HHAT: variants seen among roughly 807,000 people sequenced by gnomAD.
HHAT encodes hedgehog acyltransferase.
In HHAT, 47 loss-of-function variants were observed where a neutral mutation model predicts 70.8. The observed-to-expected ratio is 0.66, with a 90% confidence interval of 0.53 to 0.85. HHAT has a LOEUF of 0.85. Ranked by LOEUF, HHAT falls within the 40% of genes least tolerant of loss-of-function variation. The pLI is 0.00. For missense variants in HHAT, 609 were observed against 604.8 expected (o/e 1.01, Z -0.07); for synonymous variants, 228 against 247.6 (o/e 0.92, Z 0.74).
intron 9 of HHAT, among the ~76,000 whole-genome samples, chr1:210,545,699 A>T (rs967896554): frequency 6.6e-6 from 1 of 152,162 alleles, no homozygotes; most frequent in African/African-American, 2.4e-5. Context: ...GGCCTCCAAA[A>T]GTGCTGGGAT....
chr1:210,661,651 C>A (rs975011582), intron 11 of HHAT, among the ~76,000 whole-genome samples: 3 of 152,188 alleles, frequency 2.0e-5, no homozygotes, highest in Non-Finnish European at 4.4e-5. Context: ...GGAACCAACC[C>A]AAATGTCCAT....
intron 7 of HHAT, among the ~76,000 whole-genome samples, chr1:210,442,228 AT>A (rs2093532433): frequency 7.7e-6 from 1 of 130,528 alleles, no homozygotes; most frequent in African/African-American, 2.9e-5. Flanking sequence ...TATGTGCCAC[AT>A]TTTCTTAATC....
At chr1:210,553,082 C>T (rs2095541046) in intron 9 of HHAT, among the ~76,000 whole-genome samples, 1 of 152,162 alleles carries the variant, frequency 6.6e-6, no homozygotes, top group South Asian at 2.1e-4. Flanking sequence ...CCTAAGATGT[C>T]AGCATCTTCT....
At chr1:210,593,014 T>A (rs898824871) in intron 10 of HHAT, among the ~76,000 whole-genome samples, 1 of 152,142 alleles carries the variant, frequency 6.6e-6, no homozygotes, top group African/African-American at 2.4e-5. Context: ...TATCTCCTAA[T>A]GCTATCCCTC....
chr1:210,521,911 C>G (rs1004734862), intron 9 of HHAT, among the ~76,000 whole-genome samples: 2 of 152,166 alleles, frequency 1.3e-5, no homozygotes, highest in Admixed American at 6.6e-5. Context: ...CATCTGTATT[C>G]AGTCTTGCAG....
At chr1:210,604,337 C>T (rs1024875807) in intron 10 of HHAT, among the ~76,000 whole-genome samples, 10 of 151,696 alleles carry the variant, frequency 6.6e-5, no homozygotes, top group South Asian at 6.3e-4. Flanking sequence ...CTGCCCACTT[C>T]GGCCTCCCAA....
At chr1:210,536,435 T>G (rs2095372627) in intron 9 of HHAT, among the ~76,000 whole-genome samples, 1 of 152,254 alleles carries the variant, frequency 6.6e-6, no homozygotes, top group Non-Finnish European at 1.5e-5. Context: ...GTCTGCTGTT[T>G]TCATGTGTGT....
chr1:210,617,123 G>A (rs1368160290), intron 10 of HHAT, among the ~76,000 whole-genome samples: 1 of 152,254 alleles, frequency 6.6e-6, no homozygotes, highest in Non-Finnish European at 1.5e-5. Flanking sequence ...CTCCTGAGCT[G>A]ACATTAAGCT....
At chr1:210,368,087 G>A (rs185768473) in intron 3 of HHAT, among the ~76,000 whole-genome samples, 17 of 152,134 alleles carry the variant, frequency 1.1e-4, no homozygotes, top group African/African-American at 3.9e-4. Context: ...CCCACATTGC[G>A]TGCTCGATGA....
chr1:210,671,136 G>A (rs942987131), intron 11 of HHAT, among the ~76,000 whole-genome samples: 1 of 152,326 alleles, frequency 6.6e-6, no homozygotes, highest in Non-Finnish European at 1.5e-5. Context: ...AAGCAGAGCT[G>A]TGCAATGCCC....
intron 8 of HHAT, among the ~76,000 whole-genome samples, chr1:210,501,102 C>T (rs567233557): frequency 6.6e-6 from 1 of 152,346 alleles, no homozygotes; most frequent in Admixed American, 6.5e-5. Flanking sequence ...GTTCTGGATT[C>T]ATTGCATCAC....
upstream of HHAT, chr1:210,328,269 G>C (rs968368208): frequency 6.6e-6 from 1 of 152,176 alleles, no homozygotes; most frequent in Non-Finnish European, 1.5e-5. Flanking sequence ...CTCAGGCTTG[G>C]AGGCCTCCGA....
At chr1:210,419,961 A>G (rs779506805) in intron 7 of HHAT, among the ~76,000 whole-genome samples, 3 of 152,216 alleles carry the variant, frequency 2.0e-5, no homozygotes, top group Non-Finnish European at 4.4e-5. Context: ...AAGTTATTCC[A>G]TATAACAATG....
At chr1:210,539,706 A>G (rs1396904022) in intron 9 of HHAT, among the ~76,000 whole-genome samples, 1 of 152,168 alleles carries the variant, frequency 6.6e-6, no homozygotes, top group Non-Finnish European at 1.5e-5. Flanking sequence ...AGCTACGAGG[A>G]GGCAGGGATG....
intron 9 of HHAT, among the ~76,000 whole-genome samples, chr1:210,571,255 G>A (rs1027340235): frequency 6.6e-6 from 1 of 152,182 alleles, no homozygotes; most frequent in African/African-American, 2.4e-5. Context: ...CAGACCTGCT[G>A]ATTTGGTTAC....
chr1:210,373,897 G>C (rs1255370075), intron 3 of HHAT, among the ~76,000 whole-genome samples: 1 of 152,170 alleles, frequency 6.6e-6, no homozygotes, highest in Non-Finnish European at 1.5e-5. Context: ...CATCACTTAA[G>C]GGGGAGTCTC....
intron 11 of HHAT, among the ~76,000 whole-genome samples, chr1:210,628,322 T>TA (rs950476437): frequency 4.7e-5 from 7 of 149,070 alleles, no homozygotes; most frequent in Middle Eastern, 6.8e-3. Context: ...GGACTTTGTT[T>TA]AAAAAAAAGA....
intron 11 of HHAT, among the ~76,000 whole-genome samples, chr1:210,666,797 A>G (rs1678984313): frequency 6.6e-6 from 1 of 152,064 alleles, no homozygotes; most frequent in Admixed American, 6.5e-5. Flanking sequence ...CATCATTTTA[A>G]AAATGAATTC....
chr1:210,656,705 T>C (rs1459886993), intron 11 of HHAT, among the ~76,000 whole-genome samples: 1 of 152,142 alleles, frequency 6.6e-6, no homozygotes, highest in Non-Finnish European at 1.5e-5. Context: ...TCCTTTTCTC[T>C]GCCCTGAACA....
Sources: allele counts gnomAD v4.1 joint callset (sites outside exome capture counted in the v4.1 genomes callset), GRCh38; gene constraint gnomAD v4.1.1; transcripts MANE v1.5; gene names NCBI Gene and HGNC (gene_info 2026-07-23, HGNC 2026-07-21).